The following PHF24 variants were observed in gnomAD, a reference collection of about 807,000 sequenced individuals.
The protein encoded by PHF24 is PHD finger protein 24.
Under a neutral mutation model 42.6 loss-of-function variants are expected in PHF24, and 25 were observed. That is an observed-to-expected ratio of 0.59 (90% CI 0.43 to 0.82). The LOEUF is 0.82. Among genes scored for constraint, PHF24 ranks in the 40% least tolerant of loss-of-function variants. PHF24 has a pLI of 0.00. For missense variants in PHF24, 470 were observed against 538.1 expected, an observed-to-expected ratio of 0.87 and a Z score of 1.25; for synonymous variants, 185 against 204.8, an observed-to-expected ratio of 0.90 and a Z score of 0.83.
the PHF24 span, among the ~76,000 whole-genome samples, chr9:34,794,647 A>C: frequency 2.0e-5 from 3 of 152,220 alleles, no homozygotes; most frequent in African/African-American, 7.2e-5. Flanking sequence ...CCAAATAAAA[A>C]ATTTCAAACC....
the PHF24 span, among the ~76,000 whole-genome samples, chr9:34,795,385 G>A: frequency 6.6e-6 from 1 of 152,052 alleles, no homozygotes; most frequent in Non-Finnish European, 1.5e-5. Context: ...TTAGATAATT[G>A]TAAACTAAGG....
the PHF24 span, among the ~76,000 whole-genome samples, chr9:34,670,706 G>T: frequency 6.6e-6 from 1 of 152,162 alleles, no homozygotes; most frequent in Non-Finnish European, 1.5e-5. Context: ...CAGTCTCAAG[G>T]CTGGGAGTCA....
chr9:34,851,852 ATCTTG>A, the PHF24 span, among the ~76,000 whole-genome samples: 1 of 152,212 alleles, frequency 6.6e-6, no homozygotes, highest in African/African-American at 2.4e-5. Context: ...CATAATTTAC[ATCTTG>A]TCTTTTAACT....
the PHF24 span, among the ~76,000 whole-genome samples, chr9:34,948,033 C>T: frequency 2.0e-5 from 3 of 150,240 alleles, no homozygotes; most frequent in Admixed American, 6.7e-5. Context: ...GGCGTGAACC[C>T]GGGGGGCGGA....
chr9:34,709,569 TGGGCTGGTTTCTGTG>T, the PHF24 span: 1 of 1,614,196 alleles, frequency 6.2e-7, no homozygotes, highest in Non-Finnish European at 8.5e-7. Flanking sequence ...CCTGCAGCCC[TGGGCTGGTTTCTGTG>T]GGGATGGTGT....
At chr9:34,980,449 C>T (rs1322145794) in exon 8 of PHF24, 1 of 152,218 alleles carries the variant, frequency 6.6e-6, no homozygotes, top group Non-Finnish European at 1.5e-5. Context: ...AGTAGAGTTC[C>T]CATCCCACAA....
the PHF24 span, among the ~76,000 whole-genome samples, chr9:34,741,346 C>CTTTTCT: frequency 4.6e-5 from 7 of 151,870 alleles, no homozygotes; most frequent in South Asian, 4.1e-4. Context: ...TATTTCTTTT[C>CTTTTCT]TTTTCTTTTT....
At chr9:34,834,055 C>T in the PHF24 span, 79 of 1,548,660 alleles carry the variant, frequency 5.1e-5, no homozygotes, top group Non-Finnish European at 6.0e-5. Context: ...CTGGTAAGGC[C>T]TGTTGCTGCT....
At chr9:34,958,215 T>TC (rs1554657741), upstream of PHF24, 1 of 150,006 alleles carries the variant, frequency 6.7e-6, no homozygotes, top group Non-Finnish European at 1.3e-5. This position sits in a 1 kb window ranked among gnomAD's most constrained non-coding sequence, Gnocchi z 4.5. Context: ...GTGGGTGTGC[T>TC]CCGGCCGCGC....
chr9:34,922,683 G>A, the PHF24 span: 6,373 of 1,327,774 alleles, frequency 4.8e-3, 222 homozygotes, highest in African/African-American at 0.08. Context: ...CTGTATTCTT[G>A]AGCCATCTGC....
At chr9:34,770,406 AC>A in the PHF24 span, among the ~76,000 whole-genome samples, 5 of 152,208 alleles carry the variant, frequency 3.3e-5, no homozygotes, top group Non-Finnish European at 5.9e-5. Context: ...GCAATCTCAC[AC>A]TTCATTGGTG....
chr9:34,739,183 C>T, the PHF24 span, among the ~76,000 whole-genome samples: 7 of 152,096 alleles, frequency 4.6e-5, no homozygotes, highest in Admixed American at 4.6e-4. Context: ...CAACTTTATT[C>T]ATAGTAAGAA....
the PHF24 span, among the ~76,000 whole-genome samples, chr9:34,840,422 T>C: frequency 6.6e-6 from 1 of 151,802 alleles, no homozygotes; most frequent in African/African-American, 2.4e-5. Flanking sequence ...CTCCTTCTCC[T>C]CCTCCTCCTT....
At chr9:34,699,512 C>A in the PHF24 span, among the ~76,000 whole-genome samples, 2 of 152,234 alleles carry the variant, frequency 1.3e-5, no homozygotes, top group Non-Finnish European at 2.9e-5. Flanking sequence ...GGTCCCTTCA[C>A]TAAATTATTT....
the PHF24 span, chr9:34,922,381 C>T: frequency 8.3e-6 from 12 of 1,451,016 alleles, no homozygotes; most frequent in South Asian, 2.3e-5. Flanking sequence ...GAATTCAGAA[C>T]GTCATAATAG....
the PHF24 span, among the ~76,000 whole-genome samples, chr9:34,811,943 C>T: frequency 6.6e-6 from 1 of 152,096 alleles, no homozygotes; most frequent in Non-Finnish European, 1.5e-5. Context: ...TACAACTCAA[C>T]AAGAAAGAAA....
At chr9:34,936,570 G>A in the PHF24 span, among the ~76,000 whole-genome samples, 236 of 144,358 alleles carry the variant, frequency 1.6e-3, 1 homozygote, top group African/African-American at 5.8e-3. Flanking sequence ...TGGCTGCCCA[G>A]TCTGGAAAGT....
the PHF24 span, among the ~76,000 whole-genome samples, chr9:34,731,263 C>T: frequency 6.6e-6 from 1 of 152,256 alleles, no homozygotes; most frequent in East Asian, 1.9e-4. Context: ...AAGCATTTAT[C>T]GCTTCTTTGT....
chr9:34,851,555 G>C, the PHF24 span, among the ~76,000 whole-genome samples: 58 of 152,134 alleles, frequency 3.8e-4, no homozygotes, highest in Non-Finnish European at 6.3e-4. Context: ...TGCACTTCCC[G>C]AGTGAGGCAA....
Sources: gnomAD v4.1 joint callset for allele counts (sites outside exome capture counted in the v4.1 genomes callset) on GRCh38, gnomAD v4.1.1 for gene constraint, Gnocchi (gnomAD v3.1) non-coding constraint, MANE v1.5 for transcripts, NCBI Gene and HGNC (gene_info 2026-07-23, HGNC 2026-07-21) for gene names.